Variants in TNRC6B observed in about 807,000 individuals in gnomAD.
The protein encoded by TNRC6B is trinucleotide repeat containing adaptor 6B.
Under a neutral mutation model 203.6 loss-of-function variants are expected in TNRC6B, and 52 were observed. The observed-to-expected ratio is 0.26, with a 90% CI of 0.20 to 0.32. The LOEUF is 0.32. TNRC6B is among the 10% of genes least tolerant of loss of function. TNRC6B has a pLI of 1.00. For missense variants in TNRC6B, 1,923 were observed against 2,286.2 expected (o/e 0.84, Z 3.24); for synonymous variants, 838 against 845.7 (o/e 0.99, Z 0.16).
chr22:40,236,812 G>T (rs546608885), intron 1 of TNRC6B, among the ~76,000 whole-genome samples: 1 of 152,210 alleles, frequency 6.6e-6, no homozygotes, highest in Non-Finnish European at 1.5e-5. Flanking sequence ...TTTGAGGCAC[G>T]ATGGGCTCAG....
intron 1 of TNRC6B, among the ~76,000 whole-genome samples, chr22:40,084,642 G>A (rs912129152): frequency 1.3e-5 from 2 of 152,180 alleles, no homozygotes; most frequent in Non-Finnish European, 2.9e-5. Flanking sequence ...ATAAAATGAT[G>A]AGTGGAGAGA....
In TNRC6B at chr22:40,056,334, G is replaced by C. The variant is rs375006323; in HGVS notation, c.-121+11336G>C. On this transcript the variant is annotated intron_variant, in intron 1 of 23. Coordinates refer to the TNRC6B transcript ENST00000301923. ...TTGACTTACGGTAATGCCGATTTCT[G>C]CAAGTTCTGTGTATGTATTTGATCT... Among the ~76,000 whole-genome samples, 15 of 152,336 alleles carry C rather than the reference G, an allele frequency of 9.8e-5. No homozygotes were observed. The East Asian group carries it at 1.5e-3, about 16-fold the overall frequency.
chr22:40,195,131 T>C (rs1442558189), intron 1 of TNRC6B, among the ~76,000 whole-genome samples: 2 of 152,232 alleles, frequency 1.3e-5, no homozygotes, highest in East Asian at 3.8e-4. Context: ...CTTTTTTGTT[T>C]GCATTTTTTA....
chr22:40,177,884 G>C, upstream of TNRC6B: 3 of 1,326,208 alleles, frequency 2.3e-6, no homozygotes, highest in Non-Finnish European at 2.9e-6. Context: ...GAAGTCACAT[G>C]ATCTGCCTCT....
At chr22:40,081,415 C>G (rs2068063341) in intron 1 of TNRC6B, among the ~76,000 whole-genome samples, 2 of 146,960 alleles carry the variant, frequency 1.4e-5, no homozygotes, top group African/African-American at 5.0e-5. Flanking sequence ...GAAGAGCCTT[C>G]CCGCCCTTTC....
chr22:40,216,742 G>GA (rs991558872), intron 1 of TNRC6B, among the ~76,000 whole-genome samples: 9 of 152,158 alleles, frequency 5.9e-5, no homozygotes, highest in African/African-American at 1.4e-4. Context: ...CAAACCAGGA[G>GA]AAAAAATCTA....
intron 3 of TNRC6B, among the ~76,000 whole-genome samples, chr22:40,131,219 C>T (rs879820320): frequency 2.6e-5 from 4 of 151,978 alleles, no homozygotes; most frequent in African/African-American, 9.7e-5. Flanking sequence ...GTGCCCAGCG[C>T]GGTATAGAAG....
At chr22:40,208,080 C>T (rs1297660366) in intron 1 of TNRC6B, among the ~76,000 whole-genome samples, 2 of 148,386 alleles carry the variant, frequency 1.3e-5, no homozygotes, top group African/African-American at 2.4e-5. Flanking sequence ...GCCCGTCTCT[C>T]CAGCCTGGGC....
chr22:40,144,485 C>G (rs980592516), intron 3 of TNRC6B, among the ~76,000 whole-genome samples: 10 of 151,514 alleles, frequency 6.6e-5, no homozygotes, highest in Non-Finnish European at 1.3e-4. Context: ...ACCATCCTGG[C>G]TAACATGGTG....
chr22:40,242,962 G>A (rs1229510041), intron 1 of TNRC6B, among the ~76,000 whole-genome samples: 6 of 151,374 alleles, frequency 4.0e-5, no homozygotes, highest in Non-Finnish European at 4.4e-5. Context: ...TTCTGCCTCT[G>A]GGTTCAAGCA....
At chr22:40,237,268 T>C (rs905187744) in intron 1 of TNRC6B, among the ~76,000 whole-genome samples, 2 of 152,194 alleles carry the variant, frequency 1.3e-5, no homozygotes, top group Admixed American at 6.5e-5. Context: ...TTCAGAGTAT[T>C]CCAAAGTGTG....
At chr22:40,218,081 A>G (rs1030139908) in intron 1 of TNRC6B, among the ~76,000 whole-genome samples, 2 of 152,104 alleles carry the variant, frequency 1.3e-5, no homozygotes, top group African/African-American at 2.4e-5. Context: ...GATTGTTACA[A>G]TGGCTGACAT....
intron 1 of TNRC6B, among the ~76,000 whole-genome samples, chr22:40,203,098 C>T (rs932081756): frequency 6.6e-6 from 1 of 152,090 alleles, no homozygotes; most frequent in Non-Finnish European, 1.5e-5. Context: ...TGATCATCAG[C>T]CTGTCTTGTT....
intron 3 of TNRC6B, among the ~76,000 whole-genome samples, chr22:40,151,385 G>A (rs1276674699): frequency 1.3e-5 from 2 of 150,564 alleles, no homozygotes; most frequent in Non-Finnish European, 3.0e-5. Context: ...CCAACATGGC[G>A]AAACCCCATC....
intron 3 of TNRC6B, among the ~76,000 whole-genome samples, chr22:40,130,779 TAAAAAAAAAAAA>T (rs200268757): frequency 3.1e-5 from 2 of 65,064 alleles, no homozygotes; most frequent in South Asian, 5.4e-4. Context: ...AGACTCCGTC[TAAAAAAAAAAAA>T]AAAAAAAAAA....
Position 40,266,613 on chromosome 22 carries a change from G to A in TNRC6B, c.2383G>A (p.Gly795Ser). 1 of 1,611,800 alleles carries A rather than the reference G, an allele frequency of 6.2e-7. No homozygotes were observed. The highest frequency in any genetic ancestry group is 8.5e-7 in the Non-Finnish European group (1 of 1,178,584). Residue 795 changes from glycine to serine, a missense_variant, in exon 5 of 23, where the codon GGT becomes AGT. Gly to Ser is a moderately conservative substitution (Grantham distance 56, BLOSUM62 0). Transcript: ENST00000454349. ...NGGNASLASK[G>S]GWEDCKRSPA... is the part of the protein sequence containing the mutation. The stretch of plus-strand genomic sequence containing the variant: ...TGGCAATGCAAGCCTAGCTTCAAAA[G>A]GTGGGTGGGAGGATTGCAAAAGATC...
chr22:40,225,400 C>G (rs138040), intron 1 of TNRC6B, among the ~76,000 whole-genome samples: 48,795 of 152,096 alleles, frequency 0.32, 9,595 homozygotes, highest in East Asian at 0.57. Context: ...AAATCCTTCT[C>G]ATAGCTTAAG....
intron 1 of TNRC6B, among the ~76,000 whole-genome samples, chr22:40,223,017 G>A (rs1008117006): frequency 5.9e-5 from 9 of 151,884 alleles, no homozygotes; most frequent in African/African-American, 1.9e-4. Flanking sequence ...AAAGTGCTGG[G>A]ATTATAGGCA....
chr22:40,173,422 CTT>C (rs34606005), upstream of TNRC6B, among the ~76,000 whole-genome samples: 1,566 of 134,710 alleles, frequency 0.012, 9 homozygotes, highest in Middle Eastern at 0.045. Context: ...TCAGTTTACT[CTT>C]TTTTTTTTTT....
Sources: allele counts gnomAD v4.1 joint callset (sites outside exome capture counted in the v4.1 genomes callset), GRCh38; gene constraint gnomAD v4.1.1; transcripts MANE v1.5; gene names NCBI Gene and HGNC (gene_info 2026-07-23, HGNC 2026-07-21).